Variants in TFDP2 observed in about 807,000 individuals in gnomAD.
The protein encoded by TFDP2 is transcription factor Dp-2 (E2F dimerization partner 2).
A neutral mutation model predicts 59.3 loss-of-function variants in TFDP2; 17 were observed. That is an observed-to-expected ratio of 0.29 (90% confidence interval 0.20 to 0.43). The LOEUF is 0.43. TFDP2 is among the 20% of genes least tolerant of loss of function. TFDP2 has a pLI of 1.00. For missense variants in TFDP2, 391 were observed against 528.8 expected, an observed-to-expected ratio of 0.74 and a Z score of 2.56; for synonymous variants, 180 against 194.7, an observed-to-expected ratio of 0.92 and a Z score of 0.63.
chr3:142,072,687 T>G (rs1282126398), intron 3 of TFDP2, among the ~76,000 whole-genome samples: 1 of 152,018 alleles, frequency 6.6e-6, no homozygotes, highest in African/African-American at 2.4e-5. Context: ...GGAAACCAAC[T>G]GAAAGAGCTT....
intron 1 of TFDP2, among the ~76,000 whole-genome samples, chr3:142,116,784 C>T (rs2061865266): frequency 1.3e-5 from 2 of 150,856 alleles, no homozygotes; most frequent in South Asian, 4.2e-4. Flanking sequence ...ATTTTCCTAG[C>T]TGTATGCATA....
intron 3 of TFDP2, among the ~76,000 whole-genome samples, chr3:142,077,569 C>G (rs984047094): frequency 2.6e-5 from 4 of 152,160 alleles, no homozygotes; most frequent in Non-Finnish European, 4.4e-5. Flanking sequence ...TCTAGACACA[C>G]CATGGTCCAG....
At chr3:141,976,919 A>G (rs576289859) in intron 7 of TFDP2, among the ~76,000 whole-genome samples, 2 of 151,978 alleles carry the variant, frequency 1.3e-5, no homozygotes, top group African/African-American at 4.8e-5. Context: ...TTAAGTAATA[A>G]AAGTAAAACT....
At chr3:142,111,552 A>G (rs1164368800) in intron 1 of TFDP2, among the ~76,000 whole-genome samples, 1 of 152,118 alleles carries the variant, frequency 6.6e-6, no homozygotes, top group South Asian at 2.1e-4. Flanking sequence ...AAAAAGAAAA[A>G]AAAACACACA....
intron 3 of TFDP2, among the ~76,000 whole-genome samples, chr3:142,085,306 C>G (rs1366851499): frequency 1.3e-5 from 2 of 152,144 alleles, no homozygotes; most frequent in Non-Finnish European, 2.9e-5. Flanking sequence ...ATGGATACTC[C>G]ATTTACCATG....
intron 3 of TFDP2, chr3:142,044,291 T>G: frequency 5.2e-6 from 1 of 193,600 alleles, no homozygotes; most frequent in South Asian, 7.3e-5. Flanking sequence ...TGGAGTGCAG[T>G]GGCGCGATCT....
chr3:142,006,601 T>G (rs1944232662), intron 3 of TFDP2, among the ~76,000 whole-genome samples: 1 of 151,820 alleles, frequency 6.6e-6, no homozygotes, highest in Admixed American at 6.6e-5. Context: ...CCAAAGTGGC[T>G]GACACCACAG....
chr3:142,126,052 C>G (rs1282495225), intron 1 of TFDP2: 1 of 151,922 alleles, frequency 6.6e-6, no homozygotes, highest in Non-Finnish European at 1.5e-5. Context: ...TAATCAAATC[C>G]TATGTCAAAA....
chr3:142,060,175 G>C (rs1289533323), intron 3 of TFDP2, among the ~76,000 whole-genome samples: 1 of 152,000 alleles, frequency 6.6e-6, no homozygotes, highest in Non-Finnish European at 1.5e-5. Context: ...TCTATATGAG[G>C]TTATCTTGAG....
At position 142,062,427 on chromosome 3, in the gene TFDP2, GTA is replaced by G. The variant is rs1393440730; in HGVS notation, c.82+30632_82+30633del. Among the ~76,000 whole-genome samples, 1,138 of 141,640 alleles carry G rather than the reference GTA, an allele frequency of 8.0e-3. 22 individuals carry two copies. Among genetic ancestry groups the G allele is most frequent in the Admixed American group, 0.03 (421 of 14,196 alleles). 92.9% of individuals were successfully genotyped at this position (141,640 alleles called of 152,430 possible). A position where few individuals can be genotyped will look rare whatever the true frequency, so the allele number is the denominator to read the frequency against. ...TGTGTGTGTGTGTGTGTGTGTGTGT[GTA>G]TATATATAGTCATAAAAAACCAATA... On this transcript the variant is annotated intron_variant, in intron 3 of 12. Transcript: ENST00000489671.
intron 6 of TFDP2, among the ~76,000 whole-genome samples, chr3:141,988,669 C>CTTTT (rs540352017): frequency 8.0e-5 from 10 of 125,688 alleles, no homozygotes; most frequent in African/African-American, 1.4e-4. Flanking sequence ...CTTTTCTTTT[C>CTTTT]TTTTTTTTTT....
At chr3:142,047,248 T>C (rs9865777) in intron 3 of TFDP2, among the ~76,000 whole-genome samples, 131,257 of 152,180 alleles carry the variant, frequency 0.86, 56,975 homozygotes, top group African/African-American at 0.97. Flanking sequence ...CCCAGATAGA[T>C]ATTAAAATGA....
intron 11 of TFDP2, among the ~76,000 whole-genome samples, chr3:141,958,758 G>C (rs1009074580): frequency 6.6e-6 from 1 of 152,094 alleles, no homozygotes; most frequent in African/African-American, 2.4e-5. Context: ...AACTTGAGAA[G>C]TTTTACTGTA....
intron 3 of TFDP2, among the ~76,000 whole-genome samples, chr3:142,057,405 A>G (rs2059781799): frequency 1.3e-5 from 2 of 152,260 alleles, no homozygotes; most frequent in African/African-American, 4.8e-5. Flanking sequence ...ATCTTGGATT[A>G]GCTCTGGTTC....
Position 141,948,262 on chromosome 3 carries a change from C to T in TFDP2, c.*4251G>A. The T allele has an allele frequency of 6.6e-6, 1 of 152,318 alleles. No individual in the cohort carries two copies. Among genetic ancestry groups the T allele is most frequent in the Non-Finnish European group, 1.5e-5 (1 of 68,076 alleles). 9.4% of individuals were successfully genotyped at this position (152,318 alleles called of 1,614,324 possible). ...ATAATTTTTAAAAAGCTAAATAGAG[C>T]CGGGTGCGGTGGCTCACACCTGTAA... On this transcript the variant is annotated 3_prime_UTR_variant, in exon 13 of 13. Coordinates refer to ENST00000489671, the MANE Select transcript of TFDP2 (RefSeq NM_001178139.2).
chr3:142,018,513 A>T (rs1945321841), intron 3 of TFDP2, among the ~76,000 whole-genome samples: 1 of 151,700 alleles, frequency 6.6e-6, no homozygotes, highest in Non-Finnish European at 1.5e-5. Context: ...CCCAGGCTGG[A>T]CTGCAGTGGA....
chr3:141,988,880 C>T (rs1335046468), intron 6 of TFDP2, among the ~76,000 whole-genome samples: 1 of 151,694 alleles, frequency 6.6e-6, no homozygotes, highest in Non-Finnish European at 1.5e-5. Flanking sequence ...CCAGGATGGT[C>T]TCGAACTGAT....
intron 3 of TFDP2, among the ~76,000 whole-genome samples, chr3:142,088,122 C>T (rs2060864847): frequency 6.6e-6 from 1 of 152,198 alleles, no homozygotes; most frequent in Admixed American, 6.5e-5. Flanking sequence ...TTATCCTTAG[C>T]ACCTAGAAAA....
At chr3:142,007,040 T>G (rs1457713476) in intron 3 of TFDP2, among the ~76,000 whole-genome samples, 1 of 152,146 alleles carries the variant, frequency 6.6e-6, no homozygotes, top group Admixed American at 6.6e-5. Context: ...CTCCCAAAGT[T>G]CTGGATTACA....
Sources: allele counts gnomAD v4.1 joint callset (sites outside exome capture counted in the v4.1 genomes callset), GRCh38; gene constraint gnomAD v4.1.1; transcripts MANE v1.5; gene names NCBI Gene and HGNC (gene_info 2026-07-23, HGNC 2026-07-21).